The following VRK2 variants were observed in gnomAD, a reference collection of about 807,000 sequenced individuals.
The protein encoded by VRK2 is VRK serine/threonine kinase 2.
VRK2 carries 60 observed loss-of-function variants against 57.6 expected under a neutral mutation model. The ratio of observed to expected loss-of-function variants is 1.04; its 90% CI spans 0.85 to 1.29. VRK2 has a LOEUF of 1.29. Among genes scored for constraint, VRK2 ranks in the 50% most tolerant of loss-of-function variants. VRK2 has a pLI of 0.00. For missense variants in VRK2, 705 were observed against 588.1 expected (o/e 1.20, Z -2.06); for synonymous variants, 231 against 199.2 (o/e 1.16, Z -1.35).
At chr2:58,139,237 G>GT (rs561002454) in intron 10 of VRK2, among the ~76,000 whole-genome samples, 6 of 151,986 alleles carry the variant, frequency 3.9e-5, no homozygotes, top group Non-Finnish European at 7.4e-5. Context: ...AAAATTTGCA[G>GT]TTTTTTTCCT....
At chr2:58,061,227 C>G (rs1054854041) in intron 2 of VRK2, among the ~76,000 whole-genome samples, 4 of 151,352 alleles carry the variant, frequency 2.6e-5, no homozygotes, top group African/African-American at 9.7e-5. Flanking sequence ...TTTAGGGAAG[C>G]TCAAAATGTA....
intron 1 of VRK2, among the ~76,000 whole-genome samples, chr2:57,966,649 A>C (rs1311484537): frequency 1.3e-5 from 2 of 152,020 alleles, no homozygotes; most frequent in Non-Finnish European, 2.9e-5. Flanking sequence ...CGCTTTTCAG[A>C]AAAAAAATAA....
At chr2:57,975,994 C>T (rs1476981674) in intron 1 of VRK2, among the ~76,000 whole-genome samples, 1 of 152,050 alleles carries the variant, frequency 6.6e-6, no homozygotes, top group Non-Finnish European at 1.5e-5. Flanking sequence ...TTAGCTCCCA[C>T]TTATAAGTGA....
chr2:58,064,881 T>G (rs1268480672), intron 2 of VRK2, among the ~76,000 whole-genome samples: 1 of 152,098 alleles, frequency 6.6e-6, no homozygotes, highest in Non-Finnish European at 1.5e-5. Flanking sequence ...TAACATGTCA[T>G]AGTTTTGGAA....
intron 2 of VRK2, among the ~76,000 whole-genome samples, chr2:58,050,850 T>C (rs1436246374): frequency 6.9e-6 from 1 of 145,922 alleles, no homozygotes; most frequent in Non-Finnish European, 1.5e-5. Context: ...ATATTTTTAC[T>C]TTTTTTTTTT....
chr2:57,959,118 T>C (rs1333916369), intron 1 of VRK2, among the ~76,000 whole-genome samples: 1 of 152,246 alleles, frequency 6.6e-6, no homozygotes, highest in Non-Finnish European at 1.5e-5. Flanking sequence ...AAATTTATTG[T>C]ATCATTTAGA....
intron 3 of VRK2, among the ~76,000 whole-genome samples, chr2:58,084,376 C>G (rs1573006877): frequency 6.6e-6 from 1 of 151,806 alleles, no homozygotes; most frequent in Middle Eastern, 3.4e-3. Flanking sequence ...CCCAAATGCC[C>G]TCCCACCCTC....
chr2:58,152,284 G>A (rs116217634), intron 12 of VRK2, among the ~76,000 whole-genome samples: 1,910 of 151,932 alleles, frequency 0.013, 35 homozygotes, highest in African/African-American at 0.043. Context: ...ATTAGACAGC[G>A]TGGCTCTAGA....
intron 2 of VRK2, chr2:58,058,407 C>T (rs1446232760): frequency 1.5e-5 from 7 of 470,088 alleles, no homozygotes; most frequent in East Asian, 7.0e-5. Flanking sequence ...GGCAGCTTCC[C>T]GCAAATTTAT....
At chr2:57,989,484 T>C (rs1001052314) in intron 1 of VRK2, among the ~76,000 whole-genome samples, 2 of 152,220 alleles carry the variant, frequency 1.3e-5, no homozygotes, top group Non-Finnish European at 2.9e-5. Context: ...TTGTCTTTAA[T>C]TGGTGATCAT....
intron 1 of VRK2, among the ~76,000 whole-genome samples, chr2:57,957,116 C>T (rs1671610315): frequency 6.6e-6 from 1 of 152,108 alleles, no homozygotes; most frequent in African/African-American, 2.4e-5. Context: ...TAATTCATAT[C>T]TGCAGGTTCC....
intron 1 of VRK2, among the ~76,000 whole-genome samples, chr2:58,001,820 T>A (rs1673098739): frequency 6.6e-6 from 1 of 152,120 alleles, no homozygotes; most frequent in Non-Finnish European, 1.5e-5. Context: ...AGACTCTGTC[T>A]CAATAATAAT....
At chr2:58,047,010 C>G (rs764755708) in intron 1 of VRK2, 142 bp downstream of exon 1, 2 of 974,746 alleles carry the variant, frequency 2.1e-6, no homozygotes, top group Non-Finnish European at 2.4e-6. Context: ...GGCCTCAGCT[C>G]CGGCCCGGGC....
At chr2:58,069,941 T>C (rs975660334) in intron 2 of VRK2, among the ~76,000 whole-genome samples, 3 of 152,104 alleles carry the variant, frequency 2.0e-5, no homozygotes, top group African/African-American at 7.2e-5. Context: ...CTACTGTGAA[T>C]TGTGACCTTT....
At chr2:58,129,016 A>T (rs1459353147) in intron 8 of VRK2, among the ~76,000 whole-genome samples, 1 of 152,224 alleles carries the variant, frequency 6.6e-6, no homozygotes, top group Non-Finnish European at 1.5e-5. Context: ...AATGTAGAAC[A>T]TTTGAGAATA....
At chr2:58,150,817 ATGTGT>A (rs1682910496) in intron 12 of VRK2, among the ~76,000 whole-genome samples, 1 of 151,034 alleles carries the variant, frequency 6.6e-6, no homozygotes, top group Non-Finnish European at 1.5e-5. Flanking sequence ...ACAAATTTTG[ATGTGT>A]TGTGTTTTCA....
intron 1 of VRK2, among the ~76,000 whole-genome samples, chr2:57,955,215 T>C (rs1015566827): frequency 2.6e-5 from 4 of 152,146 alleles, no homozygotes; most frequent in African/African-American, 9.7e-5. Flanking sequence ...CATAGAGTCT[T>C]AAATACCACA....
At chr2:58,107,704 T>C (rs1340945916) in intron 7 of VRK2, among the ~76,000 whole-genome samples, 1 of 152,212 alleles carries the variant, frequency 6.6e-6, no homozygotes, top group Non-Finnish European at 1.5e-5. Flanking sequence ...TATTCTCTCA[T>C]GTGAATCTTC....
intron 1 of VRK2, among the ~76,000 whole-genome samples, chr2:57,964,509 GA>G (rs751424375): frequency 2.0e-5 from 3 of 151,628 alleles, no homozygotes; most frequent in African/African-American, 4.8e-5. Context: ...AATTTGTATT[GA>G]AAAAAAATCC....
Sources: gnomAD v4.1 joint callset for allele counts (sites outside exome capture counted in the v4.1 genomes callset) on GRCh38, gnomAD v4.1.1 for gene constraint, MANE v1.5 for transcripts, NCBI Gene and HGNC (gene_info 2026-07-23, HGNC 2026-07-21) for gene names.